NUDT21: variants seen among roughly 807,000 people sequenced by gnomAD.
The protein encoded by NUDT21 is cleavage and polyadenylation specificity factor subunit 5.
NUDT21 carries 5 observed loss-of-function variants against 29.8 expected under a neutral mutation model. The ratio of observed to expected loss-of-function variants is 0.17; its 90% confidence interval spans 0.09 to 0.35. NUDT21 has a LOEUF of 0.35. NUDT21 is among the 10% of genes least tolerant of loss of function. The probability of loss-of-function intolerance (pLI) is 1.00; values close to 1 mark genes in which losing one functional copy is unlikely to be tolerated. For missense variants in NUDT21, 76 were observed against 276.0 expected (o/e 0.28, Z 5.13); for synonymous variants, 113 against 98.5 (o/e 1.15, Z -0.87).
In NUDT21 at chr16:56,446,702, T is replaced by A; in HGVS notation, c.318-13A>T. The A allele has an allele frequency of 6.4e-7, 1 of 1,558,212 alleles. No homozygotes were observed. Among genetic ancestry groups the A allele is most frequent in the Non-Finnish European group, 8.8e-7 (1 of 1,142,828 alleles). ...TTCACCACCAGGTCTGTATAAAAGT[T>A]AAGAATTTCAGCTTTCAACTTAATA... On this transcript the variant is annotated splice_polypyrimidine_tract_variant and intron_variant, in intron 2 of 6. Transcript: ENST00000300291.
chr16:56,436,966 G>A (rs1222571007), intron 4 of NUDT21, among the ~76,000 whole-genome samples: 1 of 152,100 alleles, frequency 6.6e-6, no homozygotes, highest in Non-Finnish European at 1.5e-5. Context: ...AAACCACTGG[G>A]GTCACTACTA....
intron 3 of NUDT21, among the ~76,000 whole-genome samples, 176 bp from the exon 4 acceptor site, chr16:56,439,922 T>C (rs1212214915): frequency 3.9e-5 from 6 of 152,230 alleles, no homozygotes. Flanking sequence ...AGACATACAA[T>C]ATTAGTTCAA....
At chr16:56,443,077 C>T (rs1374359273) in intron 3 of NUDT21, among the ~76,000 whole-genome samples, 3 of 152,098 alleles carry the variant, frequency 2.0e-5, no homozygotes, top group African/African-American at 7.2e-5. Context: ...AAGTTTTCTC[C>T]AAAAGCCTGG....
In NUDT21 at chr16:56,446,220, T is replaced by C. The variant is rs191467830; in HGVS notation, c.381+406A>G. ...GCATCTTTCTCTTTTCAAAATTCTATAGAGGCCTACTCTTGAACAAAACTA... is the reference window on the plus strand; with the variant it reads ...GCATCTTTCTCTTTTCAAAATTCTACAGAGGCCTACTCTTGAACAAAACTA... On this transcript the variant is annotated intron_variant, in intron 3 of 6. Coordinates refer to ENST00000300291, the MANE Select transcript of NUDT21 (RefSeq NM_007006.3). 3.9e-5 allele frequency among the ~76,000 whole-genome samples: 6 copies of C among 152,360 alleles called. No homozygotes were observed. In the East Asian group the frequency reaches 9.6e-4, roughly 24 times the overall value.
At chr16:56,449,789 A>C (rs574482738) in intron 1 of NUDT21, among the ~76,000 whole-genome samples, 1 of 152,232 alleles carries the variant, frequency 6.6e-6, no homozygotes, top group South Asian at 2.1e-4. Flanking sequence ...CTTAATTTTT[A>C]AAAAAATTTT....
chr16:56,432,267 G>A lies in NUDT21; in HGVS notation c.*445C>T, dbSNP rs1418342957. ...GATAAATATAGTTTTCAGAAGTAATGGAAGCTCTTCATCACAAAAATCTAA... is the reference window on the plus strand; with the variant it reads ...GATAAATATAGTTTTCAGAAGTAATAGAAGCTCTTCATCACAAAAATCTAA... On this transcript the variant is annotated 3_prime_UTR_variant, in exon 7 of 7. Coordinates refer to ENST00000300291, the MANE Select transcript of NUDT21 (RefSeq NM_007006.3). 6.5e-6 allele frequency: 1 copy of A among 154,762 alleles called. No homozygotes were observed. The highest frequency in any genetic ancestry group is 1.4e-5 in the Non-Finnish European group (1 of 69,772). 9.6% of individuals were successfully genotyped at this position (154,762 alleles called of 1,614,324 possible). A position where few individuals can be genotyped will look rare whatever the true frequency, so the allele number is the denominator to read the frequency against.
At chr16:56,444,396 C>T (rs1962193279) in intron 3 of NUDT21, among the ~76,000 whole-genome samples, 1 of 151,936 alleles carries the variant, frequency 6.6e-6, no homozygotes, top group African/African-American at 2.4e-5. Flanking sequence ...CCAACCTGGC[C>T]GACACGGTGA....
Position 56,429,419 on chromosome 16 carries a change from G to A in NUDT21, c.*3293C>T, listed in dbSNP as rs561628587. ...CTTCCCAACTTATCTCTATTTTTAC[G>A]ATATGATCCATTACTAAGATACAAA... On this transcript the variant is annotated 3_prime_UTR_variant, in exon 7 of 7. Transcript: ENST00000300291. The A allele has an allele frequency of 3.3e-5, 5 of 152,126 alleles. No homozygotes were observed. The East Asian group carries it at 5.8e-4, about 18-fold the overall frequency. The allele number at this position is 152,126 out of a possible 1,614,324, so 9.4% of individuals were successfully genotyped here.
intron 3 of NUDT21, among the ~76,000 whole-genome samples, chr16:56,446,280 G>A (rs1962220216): frequency 6.6e-6 from 1 of 152,124 alleles, no homozygotes; most frequent in Admixed American, 6.5e-5. Context: ...CAACACACTA[G>A]CTATATAACA....
chr16:56,451,153 ACCC>A lies in NUDT21; in HGVS notation c.47_49del (p.Gly16del). 1 of 1,604,484 alleles carries A rather than the reference ACCC, an allele frequency of 6.2e-7. No homozygotes were observed. The highest frequency in any genetic ancestry group is 1.1e-5 in the South Asian group (1 of 89,676). On this transcript the variant is annotated inframe_deletion, in exon 1 of 7. Transcript: ENST00000300291. The stretch of plus-strand genomic sequence containing the variant: ...GATGTACTTGTTGCCGAACTGAGTG[ACCC>A]CCCGGGGCCAGCCGGTCTGCGAGCG...
intron 3 of NUDT21, 122 bp from the exon 4 acceptor site, chr16:56,439,868 T>C: frequency 1.3e-6 from 1 of 761,620 alleles, no homozygotes; most frequent in Non-Finnish European, 2.3e-6. Flanking sequence ...ATGCCTTCCA[T>C]ACAGATTTTC....
At chr16:56,445,909 T>C (rs1418696783) in intron 3 of NUDT21, among the ~76,000 whole-genome samples, 1 of 152,156 alleles carries the variant, frequency 6.6e-6, no homozygotes, top group Non-Finnish European at 1.5e-5. Context: ...GACAAACCAA[T>C]AGGTCAAAAG....
intron 1 of NUDT21, among the ~76,000 whole-genome samples, chr16:56,449,723 T>C (rs1459031204): frequency 6.6e-6 from 1 of 152,218 alleles, no homozygotes; most frequent in Non-Finnish European, 1.5e-5. Context: ...CCAGAAGCTG[T>C]GCTTTCACAC....
chr16:56,434,313 A>C lies in NUDT21; in HGVS notation c.662+18T>G. ...ACAGTTAATATGGATGAACCAAAAA[A>C]TGTTCAACTTTCTGTACCTGCTCAA... On this transcript the variant is annotated intron_variant, in intron 6 of 6. Coordinates refer to ENST00000300291, the MANE Select transcript of NUDT21 (RefSeq NM_007006.3). 1 of 1,523,876 alleles carries C rather than the reference A, an allele frequency of 6.6e-7. No homozygotes were observed. The highest frequency in any genetic ancestry group is 1.1e-5 in the South Asian group (1 of 89,008). The allele number at this position is 1,523,876 out of a possible 1,614,324, so 94.4% of individuals were successfully genotyped here.
chr16:56,445,949 T>C (rs1259676438), intron 3 of NUDT21, among the ~76,000 whole-genome samples: 1 of 152,230 alleles, frequency 6.6e-6, no homozygotes, highest in Non-Finnish European at 1.5e-5. Flanking sequence ...TTTAGTTTTG[T>C]TTCTCCTTTG....
At chr16:56,434,556 T>C (rs1962073376) in intron 5 of NUDT21, 111 bp from the exon 6 acceptor site, 4 of 799,332 alleles carry the variant, frequency 5.0e-6, no homozygotes, top group South Asian at 4.9e-5. Flanking sequence ...AAAAGATAAT[T>C]CTCATTAATA....
At chr16:56,441,670 A>C (rs755362975) in intron 3 of NUDT21, among the ~76,000 whole-genome samples, 4 of 152,244 alleles carry the variant, frequency 2.6e-5, no homozygotes, top group Non-Finnish European at 5.9e-5. Flanking sequence ...TGGTTAAGTC[A>C]ATATTCAGTA....
chr16:56,451,244 G>A lies in NUDT21; in HGVS notation c.-42C>T, dbSNP rs755269422. ...GCTGACGGCGAGCAGAAAGTGGCAG[G>A]CAGGGTAGACTTTCCCCGTGCGGGA... On this transcript the variant is annotated 5_prime_UTR_variant, in exon 1 of 7. Transcript: ENST00000300291. 8.8e-6 allele frequency: 13 copies of A among 1,472,092 alleles called. No individual in the cohort carries two copies. In the East Asian group the frequency reaches 2.1e-4, roughly 23 times the overall value. The allele number at this position is 1,472,092 out of a possible 1,614,324, so 91.2% of individuals were successfully genotyped here. A position where few individuals can be genotyped will look rare whatever the true frequency, so the allele number is the denominator to read the frequency against.
At chr16:56,437,716 T>G (rs1037870723) in intron 4 of NUDT21, among the ~76,000 whole-genome samples, 16 of 152,192 alleles carry the variant, frequency 1.1e-4, no homozygotes, top group African/African-American at 3.9e-4. Flanking sequence ...GTCTTACTTC[T>G]GCTGCTTCTG....
Sources: allele counts gnomAD v4.1 joint callset (sites outside exome capture counted in the v4.1 genomes callset), GRCh38; gene constraint gnomAD v4.1.1; transcripts MANE v1.5; gene names NCBI Gene and HGNC (gene_info 2026-07-23, HGNC 2026-07-21).